Variants in PCNA observed in about 807,000 individuals in gnomAD.
The protein encoded by PCNA is DNA sliding clamp PCNA.
Under a neutral mutation model 27.8 loss-of-function variants are expected in PCNA, and 4 were observed. The ratio of observed to expected loss-of-function variants is 0.14; its 90% CI spans 0.07 to 0.33. The LOEUF is 0.33. Among genes scored for constraint, PCNA ranks in the 10% least tolerant of loss-of-function variants. The probability of loss-of-function intolerance (pLI) is 1.00; values close to 1 mark genes in which losing one functional copy is unlikely to be tolerated. For missense variants in PCNA, 165 were observed against 327.4 expected, an observed-to-expected ratio of 0.50 and a Z score of 3.83; for synonymous variants, 121 against 119.4, an observed-to-expected ratio of 1.01 and a Z score of -0.09.
Position 5,126,152 on chromosome 20 carries a change from G to A in PCNA, c.-117+348C>T, listed in dbSNP as rs146759569. Among the ~76,000 whole-genome samples the A allele has an allele frequency of 1.7e-3, 255 of 152,240 alleles. 1 individual carries two copies. The highest frequency in any genetic ancestry group is 5.9e-3 in the African/African-American group (246 of 41,532). ...CGGGAGGCAGAGGTTGCAGTGAGTC[G>A]AGATCATGCCACTGCACTCCAGCCT... On this transcript the variant is annotated intron_variant, in intron 1 of 6. Coordinates refer to the PCNA transcript ENST00000379160.
In PCNA at chr20:5,119,703, G is replaced by A; in HGVS notation, c.96C>T (p.Ser32=). The A allele has an allele frequency of 1.9e-6, 3 of 1,607,380 alleles. No homozygotes were observed. The highest frequency in any genetic ancestry group is 1.3e-5 in the African/African-American group (1 of 74,950). The change falls in exon 1 of 6, where the codon TCC becomes TCT. Residue 32 remains serine (S), a synonymous_variant. Coordinates refer to ENST00000379143, the MANE Select transcript of PCNA (RefSeq NM_182649.2). The part of the protein sequence containing the change: ...LINEACWDIS[S]SGVNLQSMDS... The stretch of plus-strand genomic sequence containing the variant: ...CCATGCTCTGCAGGTTTACACCGCT[G>A]GAGCTAATATCCCAGCAGGCCTCGT...
At chr20:5,116,907 T>C (rs1476352977) in intron 4 of PCNA, among the ~76,000 whole-genome samples, 1 of 152,218 alleles carries the variant, frequency 6.6e-6, no homozygotes, top group Non-Finnish European at 1.5e-5. Context: ...CAAAGTTGCA[T>C]GGAGTCTGCT....
intron 4 of PCNA, among the ~76,000 whole-genome samples, chr20:5,116,958 G>C (rs1568519171): frequency 6.6e-6 from 1 of 152,110 alleles, no homozygotes; most frequent in Non-Finnish European, 1.5e-5. Context: ...TTTAACCTTT[G>C]ATTCCTACAG....
At chr20:5,116,868 T>C (rs1449597640) in intron 4 of PCNA, among the ~76,000 whole-genome samples, 1 of 152,200 alleles carries the variant, frequency 6.6e-6, no homozygotes, top group Non-Finnish European at 1.5e-5. Flanking sequence ...CTTTCTATTT[T>C]GGTTAAACAA....
chr20:5,119,292 G>A (rs1465463576), intron 1 of PCNA, among the ~76,000 whole-genome samples: 1 of 152,102 alleles, frequency 6.6e-6, no homozygotes, highest in Non-Finnish European at 1.5e-5. Context: ...AGGATTTAGT[G>A]AGCAAAGAGC....
At chr20:5,119,407 G>A (rs1002678053) in intron 1 of PCNA, among the ~76,000 whole-genome samples, 171 bp downstream of exon 1, 1 of 152,254 alleles carries the variant, frequency 6.6e-6, no homozygotes, top group Admixed American at 6.5e-5. Flanking sequence ...CAGCCAGCGC[G>A]GGCTTTTCCG....
intron 1 of PCNA, among the ~76,000 whole-genome samples, chr20:5,125,492 A>T (rs985739092): frequency 7.9e-5 from 12 of 152,344 alleles, no homozygotes; most frequent in Middle Eastern, 3.4e-3. Context: ...AAATTTAAAA[A>T]TTGAAAAGAA....
At chr20:5,118,698 C>G in intron 2 of PCNA, 21 bp from the exon 3 acceptor site, 1 of 1,611,958 alleles carries the variant, frequency 6.2e-7, no homozygotes, top group Non-Finnish European at 8.5e-7. Flanking sequence ...AAAGCAGATG[C>G]TTTTGAGAAA....
chr20:5,120,939 T>A (rs1378941995), upstream of PCNA, among the ~76,000 whole-genome samples: 1 of 152,206 alleles, frequency 6.6e-6, no homozygotes, highest in Non-Finnish European at 1.5e-5. Context: ...CCCGAGTATC[T>A]GGGATTACAG....
At chr20:5,126,021 G>A (rs2090545569) in intron 1 of PCNA, among the ~76,000 whole-genome samples, 1 of 152,170 alleles carries the variant, frequency 6.6e-6, no homozygotes, top group East Asian at 1.9e-4. Context: ...ATCACCTGAG[G>A]TCAGGAGTTC....
At chr20:5,119,500 C>T (rs985931049) in intron 1 of PCNA, 78 bp downstream of exon 1, 1 of 1,197,746 alleles carries the variant, frequency 8.3e-7, no homozygotes. Context: ...CCAATGAGGG[C>T]TAGGCTCGAA....
At position 5,119,769 on chromosome 20, in the gene PCNA, G is replaced by A. The variant is rs1268260828; in HGVS notation, c.30C>T (p.Ser10=). The A allele has an allele frequency of 9.5e-6, 15 of 1,578,042 alleles. No individual in the cohort carries two copies. Among genetic ancestry groups the A allele is most frequent in the African/African-American group, 2.7e-5 (2 of 74,272 alleles). The part of the protein sequence containing the change: MFEARLVQG[S]ILKKVLEALK... The stretch of plus-strand genomic sequence containing the variant: ...GTGCCTCCAACACCTTCTTGAGGAT[G>A]GAGCCCTGGACCAGGCGCGCCTCGA... Residue 10 remains serine, a synonymous_variant, in exon 1 of 6, where the codon TCC becomes TCT. Transcript: ENST00000379143.
chr20:5,123,690 A>C (rs1011943914), upstream of PCNA, among the ~76,000 whole-genome samples: 25 of 150,390 alleles, frequency 1.7e-4, no homozygotes, highest in Non-Finnish European at 1.5e-5. Context: ...GCAAACCTCC[A>C]TCTCAAAAAA....
rs1478095158 is a variant in PCNA, at chr20:5,118,829, T to C, written c.259A>G (p.Ile87Val). Residue 87 changes from isoleucine to valine, a missense_variant, in exon 2 of 6, where the codon ATC (isoleucine) becomes GTC (valine). Coordinates refer to ENST00000379143, the MANE Select transcript of PCNA (RefSeq NM_182649.2). Reference sequence around the variant, plus strand: ...TTATCTTCGGCCCTTAGTGTAATGATATCTTCATTGCCGGCGCATTTTAGT... The same window carrying C: ...TTATCTTCGGCCCTTAGTGTAATGACATCTTCATTGCCGGCGCATTTTAGT... Reference protein sequence around the residue: ...KILKCAGNEDIITLRAEDNAD... With the variant: ...KILKCAGNEDVITLRAEDNAD... 6.2e-6 allele frequency: 10 copies of C among 1,613,368 alleles called. No individual in the cohort carries two copies. Among genetic ancestry groups the C allele is most frequent in the Non-Finnish European group, 7.6e-6 (9 of 1,179,424 alleles).
rs2090505978 is a variant in PCNA at position 5,119,836 on chromosome 20, G to C, written c.-38C>G. 1 of 1,497,012 alleles carries C rather than the reference G, an allele frequency of 6.7e-7. No individual in the cohort carries two copies. The highest frequency in any genetic ancestry group is 1.4e-5 in the African/African-American group (1 of 72,102). The allele number at this position is 1,497,012 out of a possible 1,614,324, so 92.7% of individuals were successfully genotyped here. A position where few individuals can be genotyped will look rare whatever the true frequency, so the allele number is the denominator to read the frequency against. On this transcript the variant is annotated 5_prime_UTR_variant, in exon 1 of 6. Transcript: ENST00000379143. ...GCAACAACGCCGCTACAGGCAGGCG[G>C]GAAGGAGGAAAGTCTAGCTGGTTTC...
intron 1 of PCNA, 38 bp from the exon 2 acceptor site, chr20:5,118,904 G>A (rs1223150839): frequency 4.3e-6 from 6 of 1,394,366 alleles, no homozygotes; most frequent in South Asian, 3.5e-5. Context: ...AATCAACGCC[G>A]TCTGCTGAAG....
chr20:5,120,419 TAA>T (rs1187152263), upstream of PCNA, among the ~76,000 whole-genome samples: 4 of 152,226 alleles, frequency 2.6e-5, no homozygotes, highest in African/African-American at 9.6e-5. Context: ...TGTCACAAGA[TAA>T]AGAGGTGAAT....
chr20:5,125,902 A>G (rs1215053917), intron 1 of PCNA, among the ~76,000 whole-genome samples: 2 of 152,206 alleles, frequency 1.3e-5, no homozygotes. Context: ...CTTCTGTCCC[A>G]AAAAAGGTCT....
At chr20:5,119,489 GC>G (rs2090500709) in intron 1 of PCNA, 88 bp downstream of exon 1, 1 of 1,059,442 alleles carries the variant, frequency 9.4e-7, no homozygotes, top group African/African-American at 1.6e-5. Flanking sequence ...GCCCACGCCA[GC>G]CAATGAGGGC....
Sources: gnomAD v4.1 joint callset for allele counts (sites outside exome capture counted in the v4.1 genomes callset) on GRCh38, gnomAD v4.1.1 for gene constraint, MANE v1.5 for transcripts, NCBI Gene and HGNC (gene_info 2026-07-23, HGNC 2026-07-21) for gene names.